NRXN3: variants seen among roughly 807,000 people sequenced by gnomAD.
NRXN3 encodes the protein neurexin 3.
A neutral mutation model predicts 137.6 loss-of-function variants in NRXN3; 32 were observed. The observed-to-expected ratio is 0.23, with a 90% CI of 0.18 to 0.31. The LOEUF (loss-of-function observed/expected upper bound fraction) is 0.31. NRXN3 is among the 10% of genes least tolerant of loss of function. The pLI is 1.00. For missense variants in NRXN3, 1,574 were observed against 2,062.5 expected, an observed-to-expected ratio of 0.76 and a Z score of 4.59; for synonymous variants, 798 against 784.5, an observed-to-expected ratio of 1.02 and a Z score of -0.29.
intron 15 of NRXN3, among the ~76,000 whole-genome samples, chr14:79,061,209 C>G (rs1247478013): frequency 6.6e-6 from 1 of 152,180 alleles, no homozygotes; most frequent in African/African-American, 2.4e-5. Context: ...GAGATCCCAT[C>G]TTTGTTCATA....
chr14:79,539,398 C>T (rs1181363006), intron 16 of NRXN3, among the ~76,000 whole-genome samples: 2 of 152,182 alleles, frequency 1.3e-5, no homozygotes, highest in Non-Finnish European at 2.9e-5. Flanking sequence ...TCTCTGTTGA[C>T]TCTCAGAACC....
intron 16 of NRXN3, among the ~76,000 whole-genome samples, chr14:79,470,975 TGTG>T (rs2096498464): frequency 6.7e-6 from 1 of 150,360 alleles, no homozygotes; most frequent in Non-Finnish European, 1.5e-5. Flanking sequence ...TGTGTGTGTG[TGTG>T]TGTGTGTGTG....
chr14:78,581,401 T>A (rs1291395695), intron 4 of NRXN3, among the ~76,000 whole-genome samples: 1 of 152,184 alleles, frequency 6.6e-6, no homozygotes, highest in African/African-American at 2.4e-5. Flanking sequence ...TGTTGCTACT[T>A]CCTCCTAAGG....
chr14:79,696,949 C>T (rs1360413447), intron 18 of NRXN3, among the ~76,000 whole-genome samples: 1 of 151,824 alleles, frequency 6.6e-6, no homozygotes, highest in East Asian at 1.9e-4. Context: ...ATAATCCATC[C>T]TCCTAAAAAC....
rs565545866 is a variant in NRXN3, at chr14:78,631,095, T to C, written c.758-14025T>C. ...TATAGTTGGTGTGGTCAACCTCCCA[T>C]GAGATAATCATTCAGATAAGACCAA... On this transcript the variant is annotated intron_variant, in intron 4 of 20. Coordinates refer to ENST00000335750, the MANE Select transcript of NRXN3 (RefSeq NM_001330195.2). Among the ~76,000 whole-genome samples the C allele has an allele frequency of 2.0e-5, 3 of 152,274 alleles. No individual in the cohort carries two copies. The East Asian group carries it at 5.8e-4, about 29-fold the overall frequency.
intron 1 of NRXN3, among the ~76,000 whole-genome samples, chr14:78,194,130 A>T (rs12879382): frequency 3.3e-5 from 5 of 152,236 alleles, no homozygotes; most frequent in African/African-American, 1.2e-4. Flanking sequence ...TTCCATCTGC[A>T]TGAAAAGGAT....
chr14:79,810,108 A>G (rs1284057907), intron 20 of NRXN3, among the ~76,000 whole-genome samples: 1 of 152,180 alleles, frequency 6.6e-6, no homozygotes, highest in African/African-American at 2.4e-5. Context: ...GAGCTTTTGT[A>G]TAATTAGATA....
At chr14:79,110,710 G>T (rs779860765) in intron 15 of NRXN3, among the ~76,000 whole-genome samples, 4 of 151,800 alleles carry the variant, frequency 2.6e-5, no homozygotes, top group African/African-American at 7.3e-5. Flanking sequence ...ATGAATAAAG[G>T]GTCCTGGGAA....
At chr14:79,736,307 A>G (rs1421029686) in intron 19 of NRXN3, among the ~76,000 whole-genome samples, 2 of 152,210 alleles carry the variant, frequency 1.3e-5, no homozygotes, top group African/African-American at 2.4e-5. Flanking sequence ...ACCAACCTAG[A>G]TGAGTTACCA....
chr14:79,014,679 C>T (rs2099576332), intron 15 of NRXN3, among the ~76,000 whole-genome samples: 1 of 152,196 alleles, frequency 6.6e-6, no homozygotes, highest in Non-Finnish European at 1.5e-5. Flanking sequence ...GAAACTGCCA[C>T]AACCATTGGT....
At chr14:79,126,476 C>G (rs1158828550) in intron 15 of NRXN3, among the ~76,000 whole-genome samples, 3 of 152,054 alleles carry the variant, frequency 2.0e-5, no homozygotes, top group Non-Finnish European at 4.4e-5. Context: ...TTTCCAATTT[C>G]ATCCATGTCC....
chr14:79,647,367 C>T (rs141173624), intron 16 of NRXN3, among the ~76,000 whole-genome samples: 1 of 135,484 alleles, frequency 7.4e-6, no homozygotes, highest in African/African-American at 2.5e-5. Context: ...AATGTGTTTC[C>T]ATGTAATTTA....
intron 4 of NRXN3, among the ~76,000 whole-genome samples, chr14:78,426,026 G>T (rs551061555): frequency 6.6e-6 from 1 of 152,294 alleles, no homozygotes; most frequent in African/African-American, 2.4e-5. Context: ...TAGGTTGTGG[G>T]TAGCCAGGAG....
chr14:78,833,122 G>A (rs1228228006), intron 10 of NRXN3, among the ~76,000 whole-genome samples: 3 of 152,094 alleles, frequency 2.0e-5, no homozygotes, highest in Admixed American at 1.3e-4. Flanking sequence ...GCCTTTGCTT[G>A]TCTCTCCCAA....
In NRXN3 at chr14:79,817,771, TTGA is replaced by T. The variant is rs1229402826; in HGVS notation, c.4093+12583_4093+12585del. On this transcript the variant is annotated intron_variant, in intron 20 of 20. Transcript: ENST00000335750. Reference sequence around the variant, plus strand: ...ATATACGAAATAGCTGCCGGCCTCCTTGATAATAAAAGAAAGTCTGTGTATTGA... The same window carrying T: ...ATATACGAAATAGCTGCCGGCCTCCTTAATAAAAGAAAGTCTGTGTATTGA... Among the ~76,000 whole-genome samples, 5 of 152,270 alleles carry T rather than the reference TTGA, an allele frequency of 3.3e-5. No individual in the cohort carries two copies. In the East Asian group the frequency reaches 7.7e-4, roughly 24 times the overall value.
chr14:78,309,441 C>T (rs2077724930), intron 4 of NRXN3, among the ~76,000 whole-genome samples: 1 of 151,822 alleles, frequency 6.6e-6, no homozygotes, highest in South Asian at 2.1e-4. Flanking sequence ...CATCCTCTTT[C>T]TCCTCCCACC....
intron 4 of NRXN3, among the ~76,000 whole-genome samples, chr14:78,343,301 A>C (rs954702952): frequency 2.0e-5 from 3 of 152,172 alleles, no homozygotes; most frequent in African/African-American, 7.2e-5. Flanking sequence ...TCACAGTTCT[A>C]TCTATGATGA....
Position 79,861,716 on chromosome 14 carries a change from C to A in NRXN3, c.4468C>A (p.Arg1490=). 1 of 1,614,076 alleles carries A rather than the reference C, an allele frequency of 6.2e-7. No individual in the cohort carries two copies. The highest frequency in any genetic ancestry group is 8.5e-7 in the Non-Finnish European group (1 of 1,180,012). Residue 1490 remains arginine (R), a synonymous_variant, in exon 21 of 21, where the codon CGG becomes AGG. Coordinates refer to ENST00000335750, the MANE Select transcript of NRXN3 (RefSeq NM_001330195.2). This position sits in a 1 kb window ranked among gnomAD's most constrained non-coding sequence, Gnocchi z 5.4. ...GGTTCCGGGGGCCTCAGAGGTGATC[C>A]GGGAGTCGAGCAGCACAACAGGGAT... ...RRVPGASEVI[R]ESSSTTGMVV...
chr14:79,289,702 A>T (rs1229727437), intron 15 of NRXN3, among the ~76,000 whole-genome samples: 1 of 152,126 alleles, frequency 6.6e-6, no homozygotes, highest in East Asian at 1.9e-4. Context: ...GTGTGTTCTG[A>T]AGGCTTCCTT....
Sources: allele counts gnomAD v4.1 joint callset (sites outside exome capture counted in the v4.1 genomes callset), GRCh38; gene constraint gnomAD v4.1.1; non-coding constraint Gnocchi (gnomAD v3.1); transcripts MANE v1.5; gene names NCBI Gene and HGNC (gene_info 2026-07-23, HGNC 2026-07-21).